ERBB4: variants seen among roughly 807,000 people sequenced by gnomAD.
ERBB4 encodes the protein erb-b2 receptor tyrosine kinase 4.
Under a neutral mutation model 158.0 loss-of-function variants are expected in ERBB4, and 42 were observed. That is an observed-to-expected ratio of 0.27 (90% confidence interval 0.21 to 0.34). The LOEUF (loss-of-function observed/expected upper bound fraction) is 0.34. Among genes scored for constraint, ERBB4 ranks in the 10% least tolerant of loss-of-function variants. The probability of loss-of-function intolerance (pLI) is 1.00; values close to 1 mark genes in which losing one functional copy is unlikely to be tolerated. For missense variants in ERBB4, 1,333 were observed against 1,624.1 expected, an observed-to-expected ratio of 0.82 and a Z score of 3.08; for synonymous variants, 583 against 558.7, an observed-to-expected ratio of 1.04 and a Z score of -0.61.
At chr2:212,298,896 C>T (rs4672644) in intron 1 of ERBB4, among the ~76,000 whole-genome samples, 112,396 of 151,570 alleles carry the variant, frequency 0.74, 45,857 homozygotes, top group Non-Finnish European at 0.9. Flanking sequence ...CAAATAGTTA[C>T]ATGTCATTTT....
At chr2:211,499,709 T>C (rs1186102736) in intron 20 of ERBB4, among the ~76,000 whole-genome samples, 1 of 152,144 alleles carries the variant, frequency 6.6e-6, no homozygotes, top group Admixed American at 6.5e-5. Context: ...ACTTCACTCA[T>C]AAGCATCAGA....
intron 1 of ERBB4, among the ~76,000 whole-genome samples, chr2:212,369,132 T>G (rs375221801): frequency 2.0e-4 from 31 of 152,304 alleles, no homozygotes; most frequent in African/African-American, 7.5e-4. Flanking sequence ...GTCTCTACAC[T>G]GTTTAAAATT....
intron 25 of ERBB4, among the ~76,000 whole-genome samples, chr2:211,407,086 A>C (rs1290569063): frequency 6.6e-6 from 1 of 152,160 alleles, no homozygotes; most frequent in Non-Finnish European, 1.5e-5. Context: ...TCTCAAAAAA[A>C]TAAAAATAAA....
chr2:212,139,288 A>AAC (rs149575165), intron 1 of ERBB4, among the ~76,000 whole-genome samples: 61 of 151,694 alleles, frequency 4.0e-4, no homozygotes, highest in Admixed American at 2.6e-4. Context: ...TATTTAAAAC[A>AAC]ACACACACAC....
At chr2:211,655,926 T>C (rs2071198674) in intron 16 of ERBB4, among the ~76,000 whole-genome samples, 1 of 152,250 alleles carries the variant, frequency 6.6e-6, no homozygotes, top group Non-Finnish European at 1.5e-5. Flanking sequence ...AATTTTTCTA[T>C]TCATTAAAAA....
intron 3 of ERBB4, among the ~76,000 whole-genome samples, chr2:211,871,855 G>T (rs1465284646): frequency 6.6e-6 from 1 of 152,098 alleles, no homozygotes; most frequent in African/African-American, 2.4e-5. Flanking sequence ...GGATTCAAGA[G>T]ACTATATGTG....
At chr2:211,545,775 T>C (rs996739282) in intron 20 of ERBB4, among the ~76,000 whole-genome samples, 4 of 152,080 alleles carry the variant, frequency 2.6e-5, no homozygotes, top group Non-Finnish European at 5.9e-5. Flanking sequence ...TGATGTAGTA[T>C]TGTAATTATA....
chr2:212,450,752 C>T (rs1380898933), intron 1 of ERBB4, among the ~76,000 whole-genome samples: 1 of 150,718 alleles, frequency 6.6e-6, no homozygotes, highest in Non-Finnish European at 1.5e-5. Flanking sequence ...TCTGAATGAC[C>T]TACTGCCTAA....
chr2:211,817,843 C>G, intron 3 of ERBB4, among the ~76,000 whole-genome samples: 1 of 152,098 alleles, frequency 6.6e-6, no homozygotes, highest in Non-Finnish European at 1.5e-5. Flanking sequence ...CAGCAACATT[C>G]AAGGGGATGG....
chr2:211,877,179 C>T (rs1046072186), intron 3 of ERBB4, among the ~76,000 whole-genome samples: 2 of 152,112 alleles, frequency 1.3e-5, no homozygotes, highest in Admixed American at 1.3e-4. Context: ...GTATTTTATC[C>T]CTTCTTGCTT....
intron 3 of ERBB4, among the ~76,000 whole-genome samples, chr2:211,938,130 C>A (rs1470147496): frequency 4.6e-5 from 7 of 152,146 alleles, no homozygotes; most frequent in South Asian, 2.1e-4. Flanking sequence ...TAAAAATACA[C>A]TGTGTCTATT....
chr2:211,867,049 A>G (rs2078227918), intron 3 of ERBB4, among the ~76,000 whole-genome samples: 1 of 150,330 alleles, frequency 6.7e-6, no homozygotes, highest in African/African-American at 2.4e-5. Flanking sequence ...AAAAAAAAAA[A>G]AAGATCGTGT....
At chr2:211,852,611 T>C (rs1056911127) in intron 3 of ERBB4, among the ~76,000 whole-genome samples, 1 of 149,982 alleles carries the variant, frequency 6.7e-6, no homozygotes, top group Admixed American at 6.8e-5. Context: ...AAGTGAGGAC[T>C]TACTGTACAT....
At chr2:212,493,152 T>C (rs1690371318) in intron 1 of ERBB4, among the ~76,000 whole-genome samples, 2 of 151,450 alleles carry the variant, frequency 1.3e-5, no homozygotes, top group African/African-American at 4.8e-5. Context: ...AAATACTCAA[T>C]AGCAAAAAGG....
chr2:212,292,449 A>C (rs2086241434), intron 1 of ERBB4, among the ~76,000 whole-genome samples: 1 of 152,020 alleles, frequency 6.6e-6, no homozygotes, highest in Non-Finnish European at 1.5e-5. Flanking sequence ...TTCCAGAATT[A>C]ATATTGCAGT....
intron 2 of ERBB4, among the ~76,000 whole-genome samples, chr2:212,090,024 C>T (rs966668539): frequency 1.3e-5 from 2 of 152,146 alleles, no homozygotes; most frequent in Admixed American, 6.6e-5. Flanking sequence ...AGTATGATTA[C>T]TCAGCCTCTG....
At chr2:211,971,944 T>A (rs1055511070) in intron 2 of ERBB4, among the ~76,000 whole-genome samples, 1 of 152,022 alleles carries the variant, frequency 6.6e-6, no homozygotes, top group Non-Finnish European at 1.5e-5. Flanking sequence ...GAGAAATAAA[T>A]AAACAAATAG....
At chr2:212,021,185 C>T (rs567155582) in intron 2 of ERBB4, among the ~76,000 whole-genome samples, 3 of 152,018 alleles carry the variant, frequency 2.0e-5, no homozygotes, top group South Asian at 2.1e-4. Flanking sequence ...TCTAGAAATA[C>T]GATGATAAAA....
At chr2:211,807,783 ATC>A (rs1268723501) in intron 3 of ERBB4, among the ~76,000 whole-genome samples, 2 of 152,174 alleles carry the variant, frequency 1.3e-5, no homozygotes, top group South Asian at 4.1e-4. Flanking sequence ...ACTCTCCAGC[ATC>A]TGTTGTTTCC....
Sources: allele counts gnomAD v4.1 joint callset (sites outside exome capture counted in the v4.1 genomes callset), GRCh38; gene constraint gnomAD v4.1.1; transcripts MANE v1.5; gene names NCBI Gene and HGNC (gene_info 2026-07-23, HGNC 2026-07-21).